The following MSRB3 variants were observed in gnomAD, a reference collection of about 807,000 sequenced individuals.
MSRB3 encodes the protein methionine-R-sulfoxide reductase B3.
A neutral mutation model predicts 21.0 loss-of-function variants in MSRB3; 13 were observed. The ratio of observed to expected loss-of-function variants is 0.62; its 90% CI spans 0.40 to 0.98. The LOEUF is 0.98. Ranked by LOEUF, MSRB3 falls within the 50% of genes least tolerant of loss-of-function variation. The pLI is 0.00. For synonymous variants in MSRB3, 87 were observed against 88.6 expected, an observed-to-expected ratio of 0.98 and a Z score of 0.10; for missense variants, 199 against 230.3, an observed-to-expected ratio of 0.86 and a Z score of 0.88.
At chr12:65,319,436 T>G (rs1368061259) in intron 2 of MSRB3, among the ~76,000 whole-genome samples, 1 of 152,192 alleles carries the variant, frequency 6.6e-6, no homozygotes, top group Non-Finnish European at 1.5e-5. Flanking sequence ...GAGTTTTCTA[T>G]ATTTCATTTA....
chr12:65,441,296 A>G (rs1882367908), intron 5 of MSRB3, among the ~76,000 whole-genome samples: 1 of 151,940 alleles, frequency 6.6e-6, no homozygotes. Context: ...AGGTGCTCCT[A>G]GAGCTGTCAA....
intron 5 of MSRB3, among the ~76,000 whole-genome samples, chr12:65,445,927 G>A (rs990077911): frequency 2.0e-5 from 3 of 152,156 alleles, no homozygotes; most frequent in Non-Finnish European, 4.4e-5. Flanking sequence ...TTAGAGGTGT[G>A]AGCCACCATG....
At chr12:65,432,615 G>A (rs1881932619) in intron 5 of MSRB3, among the ~76,000 whole-genome samples, 2 of 151,462 alleles carry the variant, frequency 1.3e-5, no homozygotes, top group South Asian at 4.2e-4. Context: ...ATTACAGCCT[G>A]TCTCCCCATC....
At position 65,431,141 on chromosome 12, in the gene MSRB3, G is replaced by A. The variant is rs987085392; in HGVS notation, c.293-22587G>A. 2.6e-5 allele frequency among the ~76,000 whole-genome samples: 4 copies of A among 151,894 alleles called. No homozygotes were observed. In the East Asian group the frequency reaches 5.8e-4, roughly 22 times the overall value. ...TTCTGGTGTCTGATTGGAATTTCAC[G>A]TCTTTGTAGTTTTAGCTGGACTCTT... On this transcript the variant is annotated intron_variant, in intron 5 of 6. Coordinates refer to ENST00000308259, the MANE Select transcript of MSRB3 (RefSeq NM_001031679.3).
intron 1 of MSRB3, among the ~76,000 whole-genome samples, chr12:65,290,140 AGTGATG>A (rs1258844265): frequency 1.3e-5 from 2 of 149,296 alleles, no homozygotes; most frequent in African/African-American, 4.9e-5. Context: ...TAATAATAAT[AGTGATG>A]ATAATAGTGA....
intron 4 of MSRB3, among the ~76,000 whole-genome samples, chr12:65,348,711 C>T (rs1473241003): frequency 6.6e-6 from 1 of 152,154 alleles, no homozygotes; most frequent in African/African-American, 2.4e-5. Context: ...CCTGCTTTCT[C>T]TTGTGGGCAT....
chr12:65,316,533 G>A (rs1161616695), intron 2 of MSRB3, among the ~76,000 whole-genome samples: 1 of 152,166 alleles, frequency 6.6e-6, no homozygotes, highest in Non-Finnish European at 1.5e-5. Flanking sequence ...AACTACAGTT[G>A]TGTCTATCAC....
chr12:65,450,364 C>G (rs1882803580), intron 5 of MSRB3, among the ~76,000 whole-genome samples: 2 of 152,088 alleles, frequency 1.3e-5, no homozygotes, highest in African/African-American at 4.8e-5. Flanking sequence ...TATTTGCTAT[C>G]TGGAGATGGT....
chr12:65,313,635 A>G (rs116686564), intron 2 of MSRB3, among the ~76,000 whole-genome samples: 1 of 152,036 alleles, frequency 6.6e-6, no homozygotes, highest in Admixed American at 6.6e-5. Context: ...TAAAACTCGG[A>G]TCAGAACACC....
intron 5 of MSRB3, among the ~76,000 whole-genome samples, chr12:65,407,271 CTT>C (rs1592607746): frequency 6.6e-6 from 1 of 150,588 alleles, no homozygotes; most frequent in African/African-American, 2.4e-5. Flanking sequence ...CTAAGAAAGT[CTT>C]TATTACTTTC....
chr12:65,308,721 A>G, intron 2 of MSRB3, 66 bp downstream of exon 2: 1 of 1,604,456 alleles, frequency 6.2e-7, no homozygotes, highest in South Asian at 1.1e-5. Flanking sequence ...GCTGCAGGAA[A>G]TGATACACCA....
At chr12:65,383,968 TA>T (rs1192930090) in intron 5 of MSRB3, among the ~76,000 whole-genome samples, 1 of 152,230 alleles carries the variant, frequency 6.6e-6, no homozygotes, top group African/African-American at 2.4e-5. Flanking sequence ...TGAATTATTT[TA>T]AATGTAGAGA....
chr12:65,311,212 A>G (rs539911589), intron 2 of MSRB3, among the ~76,000 whole-genome samples: 7 of 152,226 alleles, frequency 4.6e-5, no homozygotes, highest in Admixed American at 4.6e-4. Context: ...ACCAGAATTC[A>G]AGTCCTATAA....
rs571384625 is a variant in MSRB3 at position 65,424,813 on chromosome 12, CT to C, written c.293-28914del. Reference sequence around the variant, plus strand: ...GTTGGATAGAACGTTTTGTACATGTCTGTTAGGTCTGTTTGGTATGAAGTGT... The same window carrying C: ...GTTGGATAGAACGTTTTGTACATGTCGTTAGGTCTGTTTGGTATGAAGTGT... On this transcript the variant is annotated intron_variant, in intron 5 of 6. Coordinates refer to ENST00000308259, the MANE Select transcript of MSRB3 (RefSeq NM_001031679.3). Among the ~76,000 whole-genome samples, 25 of 150,472 alleles carry C rather than the reference CT, an allele frequency of 1.7e-4. No homozygotes were observed. In the East Asian group the frequency reaches 4.6e-3, roughly 28 times the overall value.
chr12:65,343,939 G>A (rs1012013592), intron 4 of MSRB3, among the ~76,000 whole-genome samples: 11 of 152,040 alleles, frequency 7.2e-5, no homozygotes, highest in African/African-American at 2.4e-4. Flanking sequence ...ATACATGTGA[G>A]GTTTAAAGTC....
chr12:65,457,120 A>G (rs2136709120), intron 6 of MSRB3, among the ~76,000 whole-genome samples: 1 of 151,796 alleles, frequency 6.6e-6, no homozygotes, highest in East Asian at 1.9e-4. Flanking sequence ...CATTTTTAGC[A>G]CTATTTTTTC....
chr12:65,407,144 A>T (rs972213359), intron 5 of MSRB3, among the ~76,000 whole-genome samples: 4 of 152,242 alleles, frequency 2.6e-5, no homozygotes, highest in African/African-American at 7.2e-5. Flanking sequence ...AGAGTCCAGA[A>T]CTAAATCTAT....
At chr12:65,353,448 C>G (rs1877167446) in intron 4 of MSRB3, among the ~76,000 whole-genome samples, 1 of 152,164 alleles carries the variant, frequency 6.6e-6, no homozygotes, top group Non-Finnish European at 1.5e-5. Context: ...GTTAGCTCTT[C>G]TTGTTGAATT....
At chr12:65,440,610 A>G (rs183572965) in intron 5 of MSRB3, among the ~76,000 whole-genome samples, 32 of 152,064 alleles carry the variant, frequency 2.1e-4, no homozygotes, top group Non-Finnish European at 3.7e-4. Flanking sequence ...ATAGTGCTAC[A>G]GTGCTTTATG....
Sources: gnomAD v4.1 joint callset for allele counts (sites outside exome capture counted in the v4.1 genomes callset) on GRCh38, gnomAD v4.1.1 for gene constraint, MANE v1.5 for transcripts, NCBI Gene and HGNC (gene_info 2026-07-23, HGNC 2026-07-21) for gene names.